Variants in SHB observed in about 807,000 individuals in gnomAD.
SHB encodes the protein SH2 domain-containing adapter protein B.
SHB carries 20 observed loss-of-function variants against 52.3 expected under a neutral mutation model. That is an observed-to-expected ratio of 0.38 (90% CI 0.27 to 0.56). SHB has a LOEUF of 0.56. Ranked by LOEUF, SHB falls within the 20% of genes least tolerant of loss-of-function variation. The probability of loss-of-function intolerance (pLI) is 0.71; values close to 1 mark genes in which losing one functional copy is unlikely to be tolerated. For synonymous variants in SHB, 397 were observed against 316.5 expected, an observed-to-expected ratio of 1.25 and a Z score of -2.70; for missense variants, 825 against 723.3, an observed-to-expected ratio of 1.14 and a Z score of -1.61.
chr9:38,030,907 G>A (rs1821404117), intron 1 of SHB, among the ~76,000 whole-genome samples: 1 of 151,894 alleles, frequency 6.6e-6, no homozygotes, highest in African/African-American at 2.4e-5. Flanking sequence ...TGGGTTGTTA[G>A]GGCCAGAATC....
chr9:37,949,817 C>G (rs1832543807), intron 4 of SHB, among the ~76,000 whole-genome samples: 1 of 152,254 alleles, frequency 6.6e-6, no homozygotes. Context: ...CCCAGCATTA[C>G]TGCTCCCAGA....
At chr9:37,986,176 C>T (rs916246616) in intron 2 of SHB, among the ~76,000 whole-genome samples, 3 of 152,148 alleles carry the variant, frequency 2.0e-5, no homozygotes, top group Non-Finnish European at 4.4e-5. Context: ...GGGATGCCAA[C>T]GGACCCTGCC....
intron 5 of SHB, among the ~76,000 whole-genome samples, chr9:37,945,232 A>T (rs1320106966): frequency 6.6e-6 from 1 of 152,214 alleles, no homozygotes; most frequent in Non-Finnish European, 1.5e-5. Flanking sequence ...CAAGAATGCC[A>T]TTCCCCACCC....
intron 1 of SHB, among the ~76,000 whole-genome samples, chr9:38,020,314 G>A (rs901269157): frequency 6.6e-6 from 1 of 152,212 alleles, no homozygotes; most frequent in African/African-American, 2.4e-5. Flanking sequence ...GCTTGTTAAG[G>A]AAACAGATTC....
intron 5 of SHB, among the ~76,000 whole-genome samples, chr9:37,920,312 AAAC>A (rs1668121175): frequency 6.8e-6 from 1 of 147,216 alleles, no homozygotes; most frequent in Non-Finnish European, 1.5e-5. Flanking sequence ...AAACAAAACA[AAAC>A]AAAACAAAAC....
chr9:37,979,208 T>A (rs1209902895), intron 2 of SHB, among the ~76,000 whole-genome samples: 3 of 152,254 alleles, frequency 2.0e-5, no homozygotes, highest in Non-Finnish European at 2.9e-5. Context: ...TCATGCAAAA[T>A]GACCTTTAAT....
At chr9:38,042,729 A>G (rs1291411117) in intron 1 of SHB, among the ~76,000 whole-genome samples, 3 of 152,174 alleles carry the variant, frequency 2.0e-5, no homozygotes, top group African/African-American at 7.2e-5. Context: ...GCAGGGGCCC[A>G]ATTCCAGCCT....
intron 1 of SHB, among the ~76,000 whole-genome samples, chr9:38,052,620 A>G (rs1587265531): frequency 6.6e-6 from 1 of 151,664 alleles, no homozygotes; most frequent in Non-Finnish European, 1.5e-5. Flanking sequence ...CTGGGTCCCC[A>G]CCTCCATGCC....
intron 1 of SHB, among the ~76,000 whole-genome samples, chr9:38,040,903 G>C (rs1000902906): frequency 1.3e-5 from 2 of 151,988 alleles, no homozygotes; most frequent in African/African-American, 4.8e-5. Flanking sequence ...GGGAGGGTGC[G>C]GGGTGGGGTT....
chr9:37,945,611 C>T (rs1394310587), intron 5 of SHB, among the ~76,000 whole-genome samples: 1 of 152,230 alleles, frequency 6.6e-6, no homozygotes, highest in African/African-American at 2.4e-5. Context: ...CTAGACCTCA[C>T]CTCCAGCTCC....
intron 5 of SHB, among the ~76,000 whole-genome samples, chr9:37,928,623 C>T (rs759627203): frequency 3.3e-5 from 5 of 152,250 alleles, no homozygotes; most frequent in Non-Finnish European, 2.9e-5. Flanking sequence ...CCACACCACT[C>T]GCTAGACGGC....
At chr9:37,945,184 A>G (rs1165079779) in intron 5 of SHB, among the ~76,000 whole-genome samples, 3 of 152,218 alleles carry the variant, frequency 2.0e-5, no homozygotes, top group African/African-American at 7.2e-5. Flanking sequence ...GCATAGCTGG[A>G]ATTCCAGTGT....
At chr9:38,023,656 C>T (rs7856736) in intron 1 of SHB, among the ~76,000 whole-genome samples, 46,296 of 152,132 alleles carry the variant, frequency 0.3, 7,273 homozygotes, top group Middle Eastern at 0.41. Context: ...TTGTGAATGC[C>T]CTTTTTTCCC....
intron 2 of SHB, among the ~76,000 whole-genome samples, chr9:38,012,608 G>C (rs1045768547): frequency 1.3e-5 from 2 of 151,892 alleles, no homozygotes; most frequent in Non-Finnish European, 2.9e-5. Flanking sequence ...AAGCACTAAT[G>C]ACTGCCTGCT....
chr9:38,015,927 G>C, intron 2 of SHB, 84 bp downstream of exon 2: 2 of 1,430,780 alleles, frequency 1.4e-6, no homozygotes, highest in Non-Finnish European at 1.9e-6. Context: ...AGTGAGGCTG[G>C]TTGGGGACCA....
At chr9:38,011,839 A>C (rs1401152603) in intron 2 of SHB, among the ~76,000 whole-genome samples, 3 of 152,216 alleles carry the variant, frequency 2.0e-5, no homozygotes, top group Non-Finnish European at 4.4e-5. Context: ...CCAGGTCACT[A>C]GTTCTCCAAC....
chr9:38,053,866 T>TTG (rs1821781445), intron 1 of SHB, among the ~76,000 whole-genome samples: 1 of 152,208 alleles, frequency 6.6e-6, no homozygotes, highest in Non-Finnish European at 1.5e-5. Flanking sequence ...ATGATTTTAT[T>TTG]TAATCCTCAC....
At chr9:38,042,701 G>A (rs991497967) in intron 1 of SHB, among the ~76,000 whole-genome samples, 1 of 152,238 alleles carries the variant, frequency 6.6e-6, no homozygotes. Context: ...CAAGAAAGCA[G>A]CAGCCACAGC....
chr9:38,016,631 G>C (rs1296261223), intron 1 of SHB, among the ~76,000 whole-genome samples: 1 of 152,146 alleles, frequency 6.6e-6, no homozygotes, highest in Admixed American at 6.5e-5. Flanking sequence ...ACATAACCAC[G>C]CCTTGGGTCA....
Sources: gnomAD v4.1 joint callset for allele counts (sites outside exome capture counted in the v4.1 genomes callset) on GRCh38, gnomAD v4.1.1 for gene constraint, MANE v1.5 for transcripts, NCBI Gene and HGNC (gene_info 2026-07-23, HGNC 2026-07-21) for gene names.